RASGRP4: variants seen among roughly 807,000 people sequenced by gnomAD.
RASGRP4 encodes RAS guanyl-releasing protein 4.
RASGRP4 carries 52 observed loss-of-function variants against 84.4 expected under a neutral mutation model. The ratio of observed to expected loss-of-function variants is 0.62; its 90% confidence interval spans 0.49 to 0.78. The LOEUF is 0.78. Among genes scored for constraint, RASGRP4 ranks in the 30% least tolerant of loss-of-function variants. RASGRP4 has a pLI of 0.00. For missense variants in RASGRP4, 760 were observed against 886.9 expected, an observed-to-expected ratio of 0.86 and a Z score of 1.82; for synonymous variants, 356 against 359.1, an observed-to-expected ratio of 0.99 and a Z score of 0.10.
Position 38,412,485 on chromosome 19 carries a change from G to A in RASGRP4, c.1680+187C>T. ...ATTGTCTGGGGTGGACATTATCTGG[G>A]ATTTTGGGATTATCTGGCATTTGGA... On this transcript the variant is annotated intron_variant, in intron 13 of 16. Coordinates refer to ENST00000615439, the MANE Select transcript of RASGRP4 (RefSeq NM_170604.3). The surrounding 1 kb of genome is among the most constrained non-coding windows in gnomAD (Gnocchi z 4.6). The A allele has an allele frequency of 1.6e-6, 1 of 620,520 alleles. No homozygotes were observed. The highest frequency in any genetic ancestry group is 2.8e-6 in the Non-Finnish European group (1 of 361,036). The allele number at this position is 620,520 out of a possible 1,614,324, so 38.4% of individuals were successfully genotyped here.
Position 38,423,395 on chromosome 19 carries a change from G to A in RASGRP4, c.24-1242C>T, listed in dbSNP as rs75112915. 1.8e-3 allele frequency among the ~76,000 whole-genome samples: 274 copies of A among 151,910 alleles called. 6 individuals carry two copies. The East Asian group carries it at 0.035, about 19-fold the overall frequency. On this transcript the variant is annotated intron_variant, in intron 1 of 16. Transcript: ENST00000615439. ...GCAAAAATTGGTCAGGCGTGATGGC[G>A]GGCGCCTGTAATCCCAGCTACTCAG...
In RASGRP4 at chr19:38,418,314, G is replaced by C; in HGVS notation, c.837+77C>G. ...GACGTCACCGCCGGGATGACCCTGT[G>C]GGGTCGAGGGTCTGGAAGGGGAAGG... On this transcript the variant is annotated intron_variant, in intron 7 of 16. Transcript: ENST00000615439. This position sits in a 1 kb window ranked among gnomAD's most constrained non-coding sequence, Gnocchi z 4.6. The C allele has an allele frequency of 3.5e-6, 5 of 1,431,912 alleles. No individual in the cohort carries two copies. The highest frequency in any genetic ancestry group is 4.8e-6 in the Non-Finnish European group (5 of 1,043,156). The allele number at this position is 1,431,912 out of a possible 1,614,324, so 88.7% of individuals were successfully genotyped here.
chr19:38,422,035 G>A lies in RASGRP4; in HGVS notation c.142C>T (p.Leu48=). 1 of 1,613,698 alleles carries A rather than the reference G, an allele frequency of 6.2e-7. No homozygotes were observed. ...CAGCCGCCCTCACTCAGCAGGCCCA[G>A]GTTCATGGAAGCCATGACCTTGCTG... ...EISKVMASMN[L]GLLSEGGCSE... is the part of the protein sequence containing the mutation. The change falls in exon 2 of 17, where the codon CTG becomes TTG. Residue 48 remains leucine, a synonymous_variant. Coordinates refer to ENST00000615439, the MANE Select transcript of RASGRP4 (RefSeq NM_170604.3).
rs767035044 is a variant in RASGRP4, at chr19:38,417,774, G to C, written c.838-606C>G. On this transcript the variant is annotated intron_variant, in intron 7 of 16. Transcript: ENST00000615439. This position sits in a 1 kb window ranked among gnomAD's most constrained non-coding sequence, Gnocchi z 5.1. Reference sequence around the variant, plus strand: ...AAATGCTCAGACTAAGGACACCCCAGGCGGACGTCGAGACCCCCAGGTCTC... The same window carrying C: ...AAATGCTCAGACTAAGGACACCCCACGCGGACGTCGAGACCCCCAGGTCTC... 1.3e-5 allele frequency among the ~76,000 whole-genome samples: 2 copies of C among 152,152 alleles called. No homozygotes were observed. The highest frequency in any genetic ancestry group is 2.9e-5 in the Non-Finnish European group (2 of 68,024).
intron 9 of RASGRP4, among the ~76,000 whole-genome samples, chr19:38,414,142 C>T (rs1041236699): frequency 2.0e-5 from 3 of 151,998 alleles, no homozygotes; most frequent in Non-Finnish European, 2.9e-5. Flanking sequence ...GTTGCCTAGG[C>T]TGGTCTCAAA....
intron 15 of RASGRP4, 56 bp from the exon 16 acceptor site, chr19:38,411,054 C>T: frequency 6.2e-7 from 1 of 1,610,310 alleles, no homozygotes; most frequent in Non-Finnish European, 8.5e-7. Context: ...CTCTTCTTGA[C>T]CTTGGACTCA....
At position 38,413,186 on chromosome 19, in the gene RASGRP4, T is replaced by G; in HGVS notation, c.1416+7A>C. 1 of 1,611,986 alleles carries G rather than the reference T, an allele frequency of 6.2e-7. No homozygotes were observed. Among genetic ancestry groups the G allele is most frequent in the African/African-American group, 1.3e-5 (1 of 74,906 alleles). On this transcript the variant is annotated splice_region_variant and intron_variant, in intron 11 of 16. Coordinates refer to ENST00000615439, the MANE Select transcript of RASGRP4 (RefSeq NM_170604.3). This position sits in a 1 kb window ranked among gnomAD's most constrained non-coding sequence, Gnocchi z 4.7. ...TGCTGGCGGCCGGGCCACCCTCCCC[T>G]CCTTACCTCCACCAGCTGCTCCACA...
Position 38,410,066 on chromosome 19 carries a change from T to C in RASGRP4, c.1996A>G (p.Thr666Ala), listed in dbSNP as rs370177675. The C allele has an allele frequency of 1.2e-6, 2 of 1,612,172 alleles. No individual in the cohort carries two copies. Among genetic ancestry groups the C allele is most frequent in the Non-Finnish European group, 1.7e-6 (2 of 1,179,082 alleles). Residue 666 changes from threonine (T) to alanine (A), a missense_variant, in exon 17 of 17, where the codon ACT becomes GCT. Transcript: ENST00000615439. ...VPCPVMDPPS[T>A]ASSKLDS The stretch of plus-strand genomic sequence containing the variant: ...TAGGAATCCAGCTTGGAGGATGCAG[T>C]TGATGGTGGGTCCATCACCGGGCAG...
In RASGRP4 at chr19:38,418,334, G is replaced by C. The variant is rs1320502853; in HGVS notation, c.837+57C>G. 2 of 1,540,864 alleles carry C rather than the reference G, an allele frequency of 1.3e-6. No individual in the cohort carries two copies. The highest frequency in any genetic ancestry group is 1.8e-6 in the Non-Finnish European group (2 of 1,135,202). On this transcript the variant is annotated intron_variant, in intron 7 of 16. Coordinates refer to ENST00000615439, the MANE Select transcript of RASGRP4 (RefSeq NM_170604.3). The surrounding 1 kb of genome is among the most constrained non-coding windows in gnomAD (Gnocchi z 4.6). The stretch of plus-strand genomic sequence containing the variant: ...CCTGTGGGGTCGAGGGTCTGGAAGG[G>C]GAAGGACCAGGTGGCTGCGTGCAGT...
At position 38,417,163 on chromosome 19, in the gene RASGRP4, G is replaced by A. The variant is rs1326272919; in HGVS notation, c.843C>T (p.Leu281=). ...GCGTGTTGAAATTCTGCAGCTGGTG[G>A]AGCCTCTAGGAAGAGAAGCATGCAC... ...LDKFIHVAQR[L]HQLQNFNTLM... The change falls in exon 8 of 17, where the codon CTC becomes CTT. Residue 281 remains leucine, a synonymous_variant. Coordinates refer to ENST00000615439, the MANE Select transcript of RASGRP4 (RefSeq NM_170604.3). The surrounding 1 kb of genome is among the most constrained non-coding windows in gnomAD (Gnocchi z 5.1). 3.2e-6 allele frequency: 5 copies of A among 1,553,912 alleles called. No individual in the cohort carries two copies. The African/African-American group carries it at 4.1e-5, about 13-fold the overall frequency.
intron 1 of RASGRP4, among the ~76,000 whole-genome samples, chr19:38,424,985 AC>A (rs1373225186): frequency 6.6e-6 from 1 of 152,018 alleles, no homozygotes; most frequent in Non-Finnish European, 1.5e-5. Flanking sequence ...AGAGATCGAG[AC>A]CATCCTGCCC....
At position 38,413,355 on chromosome 19, in the gene RASGRP4, G is replaced by A. The variant is rs1490360616; in HGVS notation, c.1311+39C>T. The A allele has an allele frequency of 1.2e-6, 2 of 1,604,090 alleles. No homozygotes were observed. The highest frequency in any genetic ancestry group is 4.5e-5 in the East Asian group (2 of 44,700). On this transcript the variant is annotated intron_variant, in intron 10 of 16. Coordinates refer to ENST00000615439, the MANE Select transcript of RASGRP4 (RefSeq NM_170604.3). This position sits in a 1 kb window ranked among gnomAD's most constrained non-coding sequence, Gnocchi z 4.7. ...CTGCATAGGCTTAGGGGGGGTTCGA[G>A]GTAATTGGGGGAGTCCGAGGCCAGG...
chr19:38,410,156 G>A, intron 16 of RASGRP4, 60 bp from the exon 17 acceptor site: 1 of 1,393,462 alleles, frequency 7.2e-7, no homozygotes, highest in East Asian at 2.3e-5. Context: ...ATGATGTCTA[G>A]GAGACGCTTC....
Position 38,417,101 on chromosome 19 carries a change from A to G in RASGRP4, c.905T>C (p.Ile302Thr). 1 of 1,565,400 alleles carries G rather than the reference A, an allele frequency of 6.4e-7. No individual in the cohort carries two copies. The highest frequency in any genetic ancestry group is 8.7e-7 in the Non-Finnish European group (1 of 1,154,806). The change falls in exon 8 of 17, where the codon ATC becomes ACC. Residue 302 changes from isoleucine to threonine, a missense_variant. Coordinates refer to ENST00000615439, the MANE Select transcript of RASGRP4 (RefSeq NM_170604.3). This position sits in a 1 kb window ranked among gnomAD's most constrained non-coding sequence, Gnocchi z 5.1. The stretch of plus-strand genomic sequence containing the variant: ...GGCATGGGAGTCCTTGAGTCTGGAG[A>G]TGGCACTGTGACACAGGCCCCCTGT... Reference protein sequence around the residue: ...AVTGGLCHSAISRLKDSHAHL... With the variant: ...AVTGGLCHSATSRLKDSHAHL...
intron 2 of RASGRP4, among the ~76,000 whole-genome samples, chr19:38,421,483 G>A (rs932450097): frequency 3.9e-5 from 6 of 152,130 alleles, no homozygotes; most frequent in African/African-American, 9.7e-5. Flanking sequence ...AGGCTGAATC[G>A]GGCGGATCAT....
rs752096030 is a variant in RASGRP4 at position 38,418,385 on chromosome 19, C to T, written c.837+6G>A. 3.1e-6 allele frequency: 5 copies of T among 1,601,884 alleles called. No individual in the cohort carries two copies. In the African/African-American group the frequency reaches 5.4e-5, roughly 17 times the overall value. On this transcript the variant is annotated splice_donor_region_variant and intron_variant, in intron 7 of 16. Transcript: ENST00000615439. The surrounding 1 kb of genome is among the most constrained non-coding windows in gnomAD (Gnocchi z 4.6). The stretch of plus-strand genomic sequence containing the variant: ...GGAGTTCGCAGCCCCAAGGGGCGGG[C>T]CTCACCTGTGCCACGTGAATGAACT...
In RASGRP4 at chr19:38,410,042, A is replaced by G; in HGVS notation, c.2020T>C (p.Ter674GlnextTer17). Residue 674 changes from the stop codon to glutamine, a stop_lost, in exon 17 of 17, where the codon TAG (stop) becomes CAG (glutamine). Transcript: ENST00000615439. The part of the protein sequence containing the change: ...PSTASSKLDS[*>Q] The stretch of plus-strand genomic sequence containing the variant: ...GAAGAGAGGAGACCAAGAGATGTCT[A>G]GGAATCCAGCTTGGAGGATGCAGTT... The G allele has an allele frequency of 1.2e-6, 2 of 1,611,592 alleles. No homozygotes were observed. Among genetic ancestry groups the G allele is most frequent in the African/African-American group, 2.7e-5 (2 of 74,954 alleles).
Position 38,418,240 on chromosome 19 carries a change from G to T in RASGRP4, c.837+151C>A. On this transcript the variant is annotated intron_variant, in intron 7 of 16. Coordinates refer to ENST00000615439, the MANE Select transcript of RASGRP4 (RefSeq NM_170604.3). The surrounding 1 kb of genome is among the most constrained non-coding windows in gnomAD (Gnocchi z 4.6). ...GGCCAAAGAAGAAGTTACGGTCCTT[G>T]GTTGGAATGCCCAGGCTGTGGCCTC... The T allele has an allele frequency of 1.3e-6, 1 of 789,790 alleles. No individual in the cohort carries two copies. The highest frequency in any genetic ancestry group is 2.0e-6 in the Non-Finnish European group (1 of 493,506). The allele number at this position is 789,790 out of a possible 1,614,324, so 48.9% of individuals were successfully genotyped here. A position where few individuals can be genotyped will look rare whatever the true frequency, so the allele number is the denominator to read the frequency against.
chr19:38,424,736 A>T (rs1427473714), intron 1 of RASGRP4, among the ~76,000 whole-genome samples: 1 of 151,110 alleles, frequency 6.6e-6, no homozygotes, highest in East Asian at 2.0e-4. Flanking sequence ...ACTAGAAGGG[A>T]CATTTTAAAG....
Sources: allele counts gnomAD v4.1 joint callset (sites outside exome capture counted in the v4.1 genomes callset), GRCh38; gene constraint gnomAD v4.1.1; non-coding constraint Gnocchi (gnomAD v3.1); transcripts MANE v1.5; gene names NCBI Gene and HGNC (gene_info 2026-07-23, HGNC 2026-07-21).